Variants in RPH3A observed in about 807,000 individuals in gnomAD.
The protein encoded by RPH3A is rabphilin-3A.
RPH3A carries 48 observed loss-of-function variants against 102.2 expected under a neutral mutation model. The ratio of observed to expected loss-of-function variants is 0.47; its 90% CI spans 0.37 to 0.60. The LOEUF (loss-of-function observed/expected upper bound fraction) is 0.60. Among genes scored for constraint, RPH3A ranks in the 20% least tolerant of loss-of-function variants. RPH3A has a pLI of 0.00. For missense variants in RPH3A, 781 were observed against 910.1 expected, an observed-to-expected ratio of 0.86 and a Z score of 1.83; for synonymous variants, 310 against 324.3, an observed-to-expected ratio of 0.96 and a Z score of 0.47.
chr12:112,825,714 G>T (rs539813093), intron 2 of RPH3A, among the ~76,000 whole-genome samples: 2 of 152,226 alleles, frequency 1.3e-5, no homozygotes, highest in Admixed American at 6.5e-5. Context: ...AGATTAAGCA[G>T]TGAACAAAAC....
intron 1 of RPH3A, among the ~76,000 whole-genome samples, chr12:112,584,105 C>T (rs1158404736): frequency 2.0e-5 from 3 of 152,126 alleles, no homozygotes; most frequent in Admixed American, 6.5e-5. Context: ...AAGTGATTAT[C>T]GCTGCAGAAA....
intron 1 of RPH3A, among the ~76,000 whole-genome samples, chr12:112,696,479 C>T (rs980437446): frequency 2.0e-5 from 3 of 152,146 alleles, no homozygotes; most frequent in Non-Finnish European, 4.4e-5. Context: ...CTCAGGGAGG[C>T]CATACATAAG....
At chr12:112,703,069 C>T (rs2040405559) in intron 1 of RPH3A, among the ~76,000 whole-genome samples, 3 of 152,288 alleles carry the variant, frequency 2.0e-5, no homozygotes, top group African/African-American at 7.2e-5. Context: ...GATGAGGAAG[C>T]AGGGATGTGC....
At chr12:112,718,063 C>G (rs559462290) in intron 1 of RPH3A, 1 of 152,108 alleles carries the variant, frequency 6.6e-6, no homozygotes, top group Non-Finnish European at 1.5e-5. Context: ...CAAATTGAAC[C>G]CTTTCCCCTT....
At chr12:112,616,741 C>T (rs2039682955) in intron 1 of RPH3A, among the ~76,000 whole-genome samples, 1 of 152,220 alleles carries the variant, frequency 6.6e-6, no homozygotes, top group Non-Finnish European at 1.5e-5. Flanking sequence ...TTTCCTTTCT[C>T]ACCTGATCTC....
At chr12:112,797,104 G>A (rs568658906) in intron 2 of RPH3A, among the ~76,000 whole-genome samples, 116 of 152,280 alleles carry the variant, frequency 7.6e-4, no homozygotes, top group African/African-American at 2.6e-3. Context: ...TACATAATGT[G>A]ATCTTTGGTG....
chr12:112,762,045 A>AT (rs1411204660), intron 1 of RPH3A, among the ~76,000 whole-genome samples: 1 of 152,242 alleles, frequency 6.6e-6, no homozygotes, highest in Non-Finnish European at 1.5e-5. Context: ...CACTTACTTC[A>AT]TAGAGAGATG....
At chr12:112,600,492 A>G (rs2135968323) in intron 1 of RPH3A, among the ~76,000 whole-genome samples, 1 of 152,306 alleles carries the variant, frequency 6.6e-6, no homozygotes, top group East Asian at 1.9e-4. Context: ...GTATGTCTTC[A>G]GTCAAATAAC....
chr12:112,755,304 C>T lies in RPH3A; in HGVS notation c.-139-36839C>T, dbSNP rs1053870843. Among the ~76,000 whole-genome samples, 9 of 27,392 alleles carry T rather than the reference C, an allele frequency of 3.3e-4. No individual in the cohort carries two copies. The East Asian group carries it at 4.3e-3, about 13-fold the overall frequency. 18.0% of individuals were successfully genotyped at this position (27,392 alleles called of 152,430 possible). A position where few individuals can be genotyped will look rare whatever the true frequency, so the allele number is the denominator to read the frequency against. ...TTGAATATATATATGTATATACACACACACACACACACACACACACACACA... is the reference window on the plus strand; with the variant it reads ...TTGAATATATATATGTATATACACATACACACACACACACACACACACACA... On this transcript the variant is annotated intron_variant, in intron 1 of 21. Coordinates refer to the RPH3A transcript ENST00000543106.
intron 1 of RPH3A, among the ~76,000 whole-genome samples, chr12:112,611,170 T>C (rs1398898692): frequency 6.6e-6 from 1 of 152,232 alleles, no homozygotes; most frequent in Non-Finnish European, 1.5e-5. Flanking sequence ...TATAGGTAGA[T>C]GTCAAGCATT....
chr12:112,814,935 T>C (rs2041644419), intron 2 of RPH3A, among the ~76,000 whole-genome samples: 1 of 152,184 alleles, frequency 6.6e-6, no homozygotes, highest in African/African-American at 2.4e-5. Flanking sequence ...TGTGGCGCCA[T>C]CATTTATTAG....
intron 1 of RPH3A, among the ~76,000 whole-genome samples, chr12:112,684,285 G>A (rs2040247512): frequency 6.6e-6 from 1 of 152,086 alleles, no homozygotes; most frequent in Non-Finnish European, 1.5e-5. Context: ...TTGAGACAGG[G>A]TCTCACTCTG....
chr12:112,823,094 C>G (rs2041808365), intron 2 of RPH3A, among the ~76,000 whole-genome samples: 1 of 152,162 alleles, frequency 6.6e-6, no homozygotes, highest in African/African-American at 2.4e-5. Context: ...TCAGTGTAGC[C>G]TGGGAGAGGG....
At position 112,807,639 on chromosome 12, in the gene RPH3A, T is replaced by C. The variant is rs536894423; in HGVS notation, c.-19+15376T>C. 6.6e-5 allele frequency among the ~76,000 whole-genome samples: 10 copies of C among 152,336 alleles called. No individual in the cohort carries two copies. The South Asian group carries it at 1.0e-3, about 16-fold the overall frequency. On this transcript the variant is annotated intron_variant, in intron 2 of 21. Coordinates refer to ENST00000389385, the MANE Select transcript of RPH3A (RefSeq NM_001143854.2). ...TACCAAGTCAATATATTATGTTTGC[T>C]TGGACCAAAGCTTGGCACTTTGTAG...
chr12:112,698,644 T>G (rs1002372078), intron 1 of RPH3A, among the ~76,000 whole-genome samples: 2 of 152,196 alleles, frequency 1.3e-5, no homozygotes, highest in Non-Finnish European at 2.9e-5. Flanking sequence ...AAGACTATAT[T>G]TGTAAAACAC....
intron 8 of RPH3A, 37 bp from the exon 9 acceptor site, chr12:112,869,722 A>G (rs1429926621): frequency 6.2e-7 from 1 of 1,611,670 alleles, no homozygotes; most frequent in Non-Finnish European, 8.5e-7. Flanking sequence ...ACACCAGAAA[A>G]CCAGTACTCC....
chr12:112,727,503 C>A (rs1267191131), intron 1 of RPH3A, among the ~76,000 whole-genome samples: 2 of 92,276 alleles, frequency 2.2e-5, no homozygotes, highest in Non-Finnish European at 4.2e-5. Context: ...ACCCCCCCCC[C>A]CCACACACAT....
chr12:112,641,395 A>G (rs1199423299), intron 1 of RPH3A, among the ~76,000 whole-genome samples: 1 of 152,116 alleles, frequency 6.6e-6, no homozygotes, highest in East Asian at 1.9e-4. Context: ...GCATTTATTT[A>G]TTTACTTATT....
chr12:112,864,501 T>C (rs2042575377), intron 5 of RPH3A, among the ~76,000 whole-genome samples: 1 of 147,520 alleles, frequency 6.8e-6, no homozygotes, highest in Non-Finnish European at 1.5e-5. Flanking sequence ...TATAAAAGTG[T>C]GTGTGTATGC....
Sources: allele counts gnomAD v4.1 joint callset (sites outside exome capture counted in the v4.1 genomes callset), GRCh38; gene constraint gnomAD v4.1.1; transcripts MANE v1.5; gene names NCBI Gene and HGNC (gene_info 2026-07-23, HGNC 2026-07-21).